The following REDIC1 variants were observed in gnomAD, a reference collection of about 807,000 sequenced individuals.
The protein encoded by REDIC1 is regulator of DNA class I crossover intermediates 1.
the REDIC1 span, among the ~76,000 whole-genome samples, chr12:39,713,920 T>C: frequency 1.3e-5 from 2 of 148,570 alleles, no homozygotes; most frequent in Admixed American, 6.8e-5. Flanking sequence ...TGTATATGTA[T>C]ATATTAAATT....
At chr12:39,768,177 T>C in the REDIC1 span, among the ~76,000 whole-genome samples, 5 of 152,086 alleles carry the variant, frequency 3.3e-5, no homozygotes, top group African/African-American at 4.8e-5. Context: ...AAACTTTTCT[T>C]CTACAGCTTC....
the REDIC1 span, among the ~76,000 whole-genome samples, chr12:39,711,410 T>C: frequency 7.1e-6 from 1 of 140,276 alleles, no homozygotes; most frequent in Non-Finnish European, 1.6e-5. Context: ...CACATAGATG[T>C]ATATATGTAC....
At chr12:39,642,406 G>T in the REDIC1 span, among the ~76,000 whole-genome samples, 1 of 151,442 alleles carries the variant, frequency 6.6e-6, no homozygotes, top group Non-Finnish European at 1.5e-5. Context: ...CATTTCCAAA[G>T]AAGTCTTCCA....
the REDIC1 span, among the ~76,000 whole-genome samples, chr12:39,641,228 C>T: frequency 1.1e-4 from 17 of 151,886 alleles, no homozygotes; most frequent in African/African-American, 3.4e-4. Flanking sequence ...CTGACCACTT[C>T]TCACTACCTG....
At chr12:39,883,873 G>A in the REDIC1 span, among the ~76,000 whole-genome samples, 188 of 152,184 alleles carry the variant, frequency 1.2e-3, no homozygotes, top group Non-Finnish European at 2.3e-3. Context: ...AGCAAAACAC[G>A]GAAGTATATT....
chr12:39,766,635 C>T, the REDIC1 span, among the ~76,000 whole-genome samples: 1 of 152,044 alleles, frequency 6.6e-6, no homozygotes, highest in East Asian at 1.9e-4. Flanking sequence ...CAGATAACTT[C>T]TTTCAAAATT....
the REDIC1 span, among the ~76,000 whole-genome samples, chr12:39,889,306 A>G: frequency 1.3e-5 from 2 of 152,040 alleles, no homozygotes; most frequent in African/African-American, 4.8e-5. Context: ...TTTAATTATT[A>G]CTTTATTCTT....
At chr12:39,646,529 C>T in the REDIC1 span, 171,512 of 1,406,912 alleles carry the variant, frequency 0.12, 10,951 homozygotes, top group African/African-American at 0.16. Flanking sequence ...TTTACTCACT[C>T]GAAAATGTAT....
At chr12:39,710,518 A>G in the REDIC1 span, among the ~76,000 whole-genome samples, 3 of 151,788 alleles carry the variant, frequency 2.0e-5, no homozygotes, top group Non-Finnish European at 4.4e-5. Flanking sequence ...AGGTGACATC[A>G]TGGACAATCT....
chr12:39,832,794 A>G, the REDIC1 span, among the ~76,000 whole-genome samples: 1 of 152,008 alleles, frequency 6.6e-6, no homozygotes, highest in Non-Finnish European at 1.5e-5. Context: ...CTTCTCCTCT[A>G]TCATTCCATT....
the REDIC1 span, among the ~76,000 whole-genome samples, chr12:39,848,312 G>A: frequency 6.6e-6 from 1 of 152,074 alleles, no homozygotes; most frequent in South Asian, 2.1e-4. Context: ...CATTTATAAG[G>A]AACTTAGCAA....
At chr12:39,846,199 G>A in the REDIC1 span, among the ~76,000 whole-genome samples, 1 of 152,060 alleles carries the variant, frequency 6.6e-6, no homozygotes, top group Non-Finnish European at 1.5e-5. Flanking sequence ...AAAAACCAAG[G>A]TGGTGAATAC....
chr12:39,793,760 T>C, the REDIC1 span, among the ~76,000 whole-genome samples: 1 of 152,130 alleles, frequency 6.6e-6, no homozygotes, highest in South Asian at 2.1e-4. Context: ...TTCCTCTTCA[T>C]AGGAATCCCT....
the REDIC1 span, among the ~76,000 whole-genome samples, chr12:39,797,987 C>A: frequency 6.6e-6 from 1 of 152,092 alleles, no homozygotes; most frequent in Non-Finnish European, 1.5e-5. Flanking sequence ...ACTTGTGTAA[C>A]CAATTTGATA....
chr12:39,817,256 G>A, the REDIC1 span, among the ~76,000 whole-genome samples: 6 of 152,112 alleles, frequency 3.9e-5, no homozygotes, highest in Admixed American at 6.6e-5. Flanking sequence ...AACCAATTCC[G>A]GGTTGCTCAT....
the REDIC1 span, among the ~76,000 whole-genome samples, chr12:39,713,418 A>G: frequency 1.2e-4 from 1 of 8,522 alleles, no homozygotes; most frequent in Admixed American, 1.6e-3. Flanking sequence ...ATACACATAT[A>G]CATATGTATA....
chr12:39,761,252 T>G, the REDIC1 span, among the ~76,000 whole-genome samples: 2 of 126,214 alleles, frequency 1.6e-5, no homozygotes, highest in African/African-American at 5.0e-5. Flanking sequence ...TTAAGTAAAA[T>G]AAGGGGGCTT....
At chr12:39,700,957 A>T in the REDIC1 span, among the ~76,000 whole-genome samples, 2 of 152,160 alleles carry the variant, frequency 1.3e-5, no homozygotes, top group Non-Finnish European at 2.9e-5. Flanking sequence ...GGAAAGGAAC[A>T]ACCGGTACCA....
chr12:39,720,981 A>C, the REDIC1 span: 1 of 1,613,686 alleles, frequency 6.2e-7, no homozygotes, highest in Non-Finnish European at 8.5e-7. Context: ...AAAATAATAC[A>C]GATCAGTTTC....
Sources: allele counts gnomAD v4.1 joint callset (sites outside exome capture counted in the v4.1 genomes callset), GRCh38; gene constraint gnomAD v4.1.1; transcripts MANE v1.5; gene names NCBI Gene and HGNC (gene_info 2026-07-23, HGNC 2026-07-21).